The following RANBP2 variants were observed in gnomAD, a reference collection of about 807,000 sequenced individuals.
The protein encoded by RANBP2 is E3 SUMO-protein ligase RanBP2.
In RANBP2, 57 loss-of-function variants were observed where a neutral mutation model predicts 303.6. The ratio of observed to expected loss-of-function variants is 0.19; its 90% confidence interval spans 0.15 to 0.23. RANBP2 has a LOEUF of 0.23. RANBP2 is among the 10% of genes least tolerant of loss of function. The pLI, the probability that RANBP2 is intolerant of heterozygous loss-of-function variation, is 1.00. For synonymous variants in RANBP2, 1,167 were observed against 1,301.5 expected (o/e 0.90, Z 2.23); for missense variants, 3,138 against 3,780.8 (o/e 0.83, Z 4.46).
At chr2:109,384,057 C>G in the RANBP2 span, among the ~76,000 whole-genome samples, 1,424 of 152,340 alleles carry the variant, frequency 9.3e-3, 9 homozygotes, top group African/African-American at 0.021. Flanking sequence ...ACTTGCTCCT[C>G]CCACCCTTAG....
At chr2:109,680,179 TA>T in the RANBP2 span, among the ~76,000 whole-genome samples, 1 of 107,056 alleles carries the variant, frequency 9.3e-6, no homozygotes, top group South Asian at 2.9e-4. Flanking sequence ...CTGTCTCTAC[TA>T]AAAATACAAA....
chr2:108,733,779 A>T (rs1259829373), intron 4 of RANBP2, among the ~76,000 whole-genome samples: 1 of 152,034 alleles, frequency 6.6e-6, no homozygotes, highest in African/African-American at 2.4e-5. Flanking sequence ...CAAGTTAGAT[A>T]CTTTGAAGCA....
At chr2:109,432,422 A>T in the RANBP2 span, 1 of 1,558,178 alleles carries the variant, frequency 6.4e-7, no homozygotes, top group South Asian at 1.2e-5. Flanking sequence ...TCCAAAGACA[A>T]CCTCCCCCCA....
At chr2:109,442,547 CAA>C in the RANBP2 span, among the ~76,000 whole-genome samples, 3 of 151,932 alleles carry the variant, frequency 2.0e-5, no homozygotes, top group Non-Finnish European at 2.9e-5. Context: ...ATTTAAAACT[CAA>C]AAGCAAAATG....
the RANBP2 span, among the ~76,000 whole-genome samples, chr2:109,370,739 C>A: frequency 6.4e-3 from 967 of 152,184 alleles, 7 homozygotes; most frequent in African/African-American, 0.021. Flanking sequence ...CCAGTCTCAA[C>A]CCCCCCGAAA....
the RANBP2 span, chr2:108,895,342 A>G: frequency 6.6e-6 from 1 of 152,588 alleles, no homozygotes. Flanking sequence ...CTTTGTTTTA[A>G]TGTAGTAATA....
At chr2:109,612,967 A>T in the RANBP2 span, 34 of 433,974 alleles carry the variant, frequency 7.8e-5, no homozygotes, top group Non-Finnish European at 1.4e-4. Context: ...GTGGTTCTCA[A>T]ACTTTTTGGT....
the RANBP2 span, among the ~76,000 whole-genome samples, chr2:108,983,856 A>G: frequency 1.3e-5 from 2 of 152,164 alleles, no homozygotes; most frequent in African/African-American, 4.8e-5. Context: ...CTGAGCCATC[A>G]GAGAGCCACT....
At chr2:109,354,955 C>G in the RANBP2 span, among the ~76,000 whole-genome samples, 11 of 152,210 alleles carry the variant, frequency 7.2e-5, no homozygotes, top group East Asian at 2.1e-3. Context: ...TTTTAGTAAC[C>G]ACTTTATGTT....
the RANBP2 span, chr2:109,436,902 A>G: frequency 6.2e-7 from 1 of 1,613,322 alleles, no homozygotes; most frequent in Non-Finnish European, 8.5e-7. Context: ...GGGTGCCTGC[A>G]GGAGGGGCAG....
At chr2:108,794,691 C>T in the RANBP2 span, 30,495 of 1,612,726 alleles carry the variant, frequency 0.019, 1,088 homozygotes, top group African/African-American at 0.15. Context: ...AGATATATGA[C>T]GAATTATTTC....
chr2:109,124,950 T>C, the RANBP2 span, among the ~76,000 whole-genome samples: 1,398 of 152,352 alleles, frequency 9.2e-3, 15 homozygotes, highest in African/African-American at 0.032. Flanking sequence ...GTGCATCAAT[T>C]TGGGTTCCCA....
the RANBP2 span, among the ~76,000 whole-genome samples, chr2:108,842,142 C>T: frequency 5.9e-5 from 9 of 152,168 alleles, no homozygotes; most frequent in African/African-American, 1.7e-4. Context: ...ATCCTTCTGC[C>T]TCAGCCTCCT....
chr2:109,027,349 G>A, the RANBP2 span, among the ~76,000 whole-genome samples: 1 of 152,078 alleles, frequency 6.6e-6, no homozygotes, highest in Non-Finnish European at 1.5e-5. Context: ...GGTCTCCTGG[G>A]CCCAGCCAGA....
chr2:109,524,148 G>A, the RANBP2 span, among the ~76,000 whole-genome samples: 2 of 152,130 alleles, frequency 1.3e-5, no homozygotes, highest in Admixed American at 6.5e-5. Flanking sequence ...GCCTAGTGGC[G>A]CAAGAGCAGG....
chr2:109,736,016 A>G, the RANBP2 span, among the ~76,000 whole-genome samples: 1 of 152,374 alleles, frequency 6.6e-6, no homozygotes, highest in Non-Finnish European at 1.5e-5. Flanking sequence ...ATTTCCAGCT[A>G]TGCAACTAGC....
chr2:109,432,498 C>T, the RANBP2 span: 3 of 1,613,178 alleles, frequency 1.9e-6, no homozygotes, highest in Admixed American at 5.0e-5. Context: ...GCTTTGCCCG[C>T]AGGTACCTGG....
chr2:109,609,081 T>C, the RANBP2 span, among the ~76,000 whole-genome samples: 61 of 152,192 alleles, frequency 4.0e-4, no homozygotes, highest in African/African-American at 1.5e-3. Flanking sequence ...AAACATAACC[T>C]GGCACTATGT....
the RANBP2 span, among the ~76,000 whole-genome samples, chr2:109,739,589 A>G: frequency 6.6e-6 from 1 of 152,168 alleles, no homozygotes; most frequent in Admixed American, 6.5e-5. Context: ...CTACAAATTT[A>G]CTGGATTTGT....
Sources: gnomAD v4.1 joint callset for allele counts (sites outside exome capture counted in the v4.1 genomes callset) on GRCh38, gnomAD v4.1.1 for gene constraint, MANE v1.5 for transcripts, NCBI Gene and HGNC (gene_info 2026-07-23, HGNC 2026-07-21) for gene names.